LDLRAD4: variants seen among roughly 807,000 people sequenced by gnomAD.
The protein encoded by LDLRAD4 is low-density lipoprotein receptor class A domain-containing protein 4.
A neutral mutation model predicts 17.0 loss-of-function variants in LDLRAD4; 5 were observed. That is an observed-to-expected ratio of 0.29 (90% CI 0.15 to 0.62). The LOEUF (loss-of-function observed/expected upper bound fraction) is 0.62, where lower values mean the gene tolerates loss of function less well. LDLRAD4 is among the 20% of genes least tolerant of loss of function. The pLI is 0.84. For synonymous variants in LDLRAD4, 168 were observed against 171.8 expected (o/e 0.98, Z 0.17); for missense variants, 340 against 424.7 (o/e 0.80, Z 1.75).
intron 2 of LDLRAD4, among the ~76,000 whole-genome samples, chr18:13,393,589 G>C (rs1054492261): frequency 3.3e-5 from 5 of 152,192 alleles, no homozygotes; most frequent in Admixed American, 2.0e-4. Context: ...CTTGCCAGGT[G>C]TATGTCAAGT....
intron 3 of LDLRAD4, chr18:13,500,809 G>A (rs1378232982): frequency 6.6e-6 from 1 of 152,156 alleles, no homozygotes; most frequent in African/African-American, 2.4e-5. Context: ...GAGGGAACCA[G>A]CTGGGAGTTT....
chr18:13,543,065 C>T (rs982922967), intron 3 of LDLRAD4: 4 of 152,158 alleles, frequency 2.6e-5, no homozygotes, highest in East Asian at 1.9e-4. Context: ...CATGGCTCTT[C>T]GGAAGGTAAT....
At chr18:13,545,216 C>T (rs551826810) in intron 3 of LDLRAD4, among the ~76,000 whole-genome samples, 128 of 152,094 alleles carry the variant, frequency 8.4e-4, no homozygotes, top group Middle Eastern at 6.8e-3. Flanking sequence ...TGAAGGGCTG[C>T]GTGTTTTTGA....
chr18:13,219,935 C>T (rs2145296723), intron 1 of LDLRAD4, among the ~76,000 whole-genome samples: 1 of 152,342 alleles, frequency 6.6e-6, no homozygotes, highest in Admixed American at 6.5e-5. Flanking sequence ...ATCTGTAACT[C>T]TCCCTTTGTA....
chr18:13,427,382 G>A (rs1303075254), intron 2 of LDLRAD4: 2 of 152,736 alleles, frequency 1.3e-5, no homozygotes, highest in Non-Finnish European at 2.9e-5. Flanking sequence ...TGACCCACCT[G>A]AGGGCAAGGC....
chr18:13,285,672 G>A (rs1183362840), intron 1 of LDLRAD4, among the ~76,000 whole-genome samples: 1 of 152,076 alleles, frequency 6.6e-6, no homozygotes, highest in Non-Finnish European at 1.5e-5. Context: ...CCCTCTTTTT[G>A]TCCTGGGATC....
intron 1 of LDLRAD4, among the ~76,000 whole-genome samples, chr18:13,323,686 C>T (rs1031385778): frequency 2.7e-4 from 41 of 152,124 alleles, no homozygotes; most frequent in African/African-American, 8.7e-4. Context: ...GGGACTGTGA[C>T]TATTGTTCAA....
Position 13,565,368 on chromosome 18 carries a change from G to A in LDLRAD4, c.182-55749G>A, listed in dbSNP as rs377163019. Among the ~76,000 whole-genome samples the A allele has an allele frequency of 4.7e-5, 7 of 149,674 alleles. No individual in the cohort carries two copies. The South Asian group carries it at 6.4e-4, about 14-fold the overall frequency. ...GCCTGAACCACAGAAGCGAACAGCC[G>A]TTGCCAGCGCCAAGCTGGGCCAGGG... On this transcript the variant is annotated intron_variant, in intron 3 of 5. Transcript: ENST00000359446.
chr18:13,241,599 C>T (rs886846306), intron 1 of LDLRAD4: 1 of 152,340 alleles, frequency 6.6e-6, no homozygotes, highest in African/African-American at 2.4e-5. Flanking sequence ...GCTGGGCCTC[C>T]TGCTGAAAGC....
intron 3 of LDLRAD4, among the ~76,000 whole-genome samples, chr18:13,569,328 G>A (rs1178750298): frequency 1.3e-5 from 2 of 152,086 alleles, no homozygotes; most frequent in African/African-American, 2.4e-5. Flanking sequence ...GCGCTATCTG[G>A]GGAATAAAAC....
chr18:13,598,311 G>C (rs1337074728), intron 3 of LDLRAD4, among the ~76,000 whole-genome samples: 1 of 152,218 alleles, frequency 6.6e-6, no homozygotes, highest in Non-Finnish European at 1.5e-5. Flanking sequence ...CCCTGGGATG[G>C]CAGTGATTTT....
At chr18:13,232,672 G>A (rs935379602) in intron 1 of LDLRAD4, among the ~76,000 whole-genome samples, 1 of 152,186 alleles carries the variant, frequency 6.6e-6, no homozygotes, top group Non-Finnish European at 1.5e-5. Flanking sequence ...CTCTTCCGCT[G>A]TGGCTGCCAA....
chr18:13,586,269 G>A (rs370328870), intron 3 of LDLRAD4, among the ~76,000 whole-genome samples: 62 of 151,138 alleles, frequency 4.1e-4, no homozygotes, highest in Non-Finnish European at 7.5e-4. Context: ...TTAGCCGGGC[G>A]TGGTGGCAGG....
At chr18:13,576,582 C>T (rs2094776792) in intron 3 of LDLRAD4, among the ~76,000 whole-genome samples, 1 of 152,178 alleles carries the variant, frequency 6.6e-6, no homozygotes, top group African/African-American at 2.4e-5. Flanking sequence ...ATTAAATAAG[C>T]TTAGGAGCTG....
intron 3 of LDLRAD4, among the ~76,000 whole-genome samples, chr18:13,538,441 G>A (rs2094228815): frequency 6.6e-6 from 1 of 151,824 alleles, no homozygotes; most frequent in South Asian, 2.1e-4. Flanking sequence ...GAATGGGATA[G>A]TAGAGTATAA....
At chr18:13,463,752 G>A (rs1170803760) in intron 3 of LDLRAD4, among the ~76,000 whole-genome samples, 2 of 152,338 alleles carry the variant, frequency 1.3e-5, no homozygotes, top group South Asian at 2.1e-4. Flanking sequence ...CTTCAGGCCA[G>A]CTTGACAGCC....
intron 3 of LDLRAD4, among the ~76,000 whole-genome samples, chr18:13,588,266 G>A (rs2094961122): frequency 6.6e-6 from 1 of 152,162 alleles, no homozygotes. Context: ...GCACCTGCTT[G>A]GGAGGGGCTT....
intron 1 of LDLRAD4, among the ~76,000 whole-genome samples, chr18:13,327,713 T>G (rs1393390932): frequency 6.6e-6 from 1 of 151,936 alleles, no homozygotes; most frequent in South Asian, 2.1e-4. Flanking sequence ...TAGGTGGCCA[T>G]TGAGTTATGA....
intron 1 of LDLRAD4, among the ~76,000 whole-genome samples, chr18:13,220,412 A>G (rs1268806660): frequency 1.3e-5 from 2 of 152,122 alleles, no homozygotes; most frequent in Admixed American, 6.5e-5. Context: ...TCTTCCCGGC[A>G]GGTTTTTAGG....
Sources: gnomAD v4.1 joint callset for allele counts (sites outside exome capture counted in the v4.1 genomes callset) on GRCh38, gnomAD v4.1.1 for gene constraint, MANE v1.5 for transcripts, NCBI Gene and HGNC (gene_info 2026-07-23, HGNC 2026-07-21) for gene names.